The following DPP10 variants were observed in gnomAD, a reference collection of about 807,000 sequenced individuals.
DPP10 encodes the protein dipeptidyl peptidase like 10, also known as inactive dipeptidyl peptidase 10.
A neutral mutation model predicts 120.9 loss-of-function variants in DPP10; 33 were observed. The observed-to-expected ratio is 0.27, with a 90% confidence interval of 0.21 to 0.37. DPP10 has a LOEUF of 0.37. Ranked by LOEUF, DPP10 falls within the 10% of genes least tolerant of loss-of-function variation. The probability of loss-of-function intolerance (pLI) is 1.00; values close to 1 mark genes in which losing one functional copy is unlikely to be tolerated. For missense variants in DPP10, 816 were observed against 942.8 expected, an observed-to-expected ratio of 0.87 and a Z score of 1.76; for synonymous variants, 337 against 326.1, an observed-to-expected ratio of 1.03 and a Z score of -0.36.
rs1410626093 is a variant in DPP10 at position 115,725,359 on chromosome 2, G to A, written c.577-2457G>A. On this transcript the variant is annotated intron_variant, in intron 7 of 25. Transcript: ENST00000410059. ...AACTTTGATAATTGAAAAGGGATTAGGATGTTAAAAATGCACACTTTCATG... is the reference window on the plus strand; with the variant it reads ...AACTTTGATAATTGAAAAGGGATTAAGATGTTAAAAATGCACACTTTCATG... Among the ~76,000 whole-genome samples, 5 of 152,100 alleles carry A rather than the reference G, an allele frequency of 3.3e-5. No individual in the cohort carries two copies. In the East Asian group the frequency reaches 7.7e-4, roughly 23 times the overall value.
chr2:115,793,947 G>C (rs537925111), intron 19 of DPP10, among the ~76,000 whole-genome samples: 1 of 151,656 alleles, frequency 6.6e-6, no homozygotes. Context: ...AACATATAAG[G>C]GTCAGAATAG....
chr2:115,641,782 G>A lies in DPP10; in HGVS notation c.442-47905G>A, dbSNP rs1575418002. Among the ~76,000 whole-genome samples, 5 of 152,198 alleles carry A rather than the reference G, an allele frequency of 3.3e-5. No individual in the cohort carries two copies. In the South Asian group the frequency reaches 1.0e-3, roughly 32 times the overall value. On this transcript the variant is annotated intron_variant, in intron 5 of 25. Coordinates refer to ENST00000410059, the MANE Select transcript of DPP10 (RefSeq NM_020868.6). ...TTCAATTATATTTGACATTTGGTAGGCAGCCAGATTCAGTGAAATTATGGA... is the reference window on the plus strand; with the variant it reads ...TTCAATTATATTTGACATTTGGTAGACAGCCAGATTCAGTGAAATTATGGA...
chr2:115,674,385 GT>G (rs879458605), intron 5 of DPP10, among the ~76,000 whole-genome samples: 149 of 141,860 alleles, frequency 1.1e-3, no homozygotes, highest in South Asian at 1.6e-3. Flanking sequence ...ACTTCATGAT[GT>G]TTTTTTTTTT....
At chr2:115,684,728 C>T (rs1327273175) in intron 5 of DPP10, among the ~76,000 whole-genome samples, 1 of 151,850 alleles carries the variant, frequency 6.6e-6, no homozygotes, top group African/African-American at 2.4e-5. Context: ...GCTGAACTCT[C>T]CTTGACACGA....
At chr2:114,925,140 G>A (rs1695516456) in intron 1 of DPP10, among the ~76,000 whole-genome samples, 1 of 150,424 alleles carries the variant, frequency 6.6e-6, no homozygotes, top group Non-Finnish European at 1.5e-5. Context: ...CAACCTAGGA[G>A]GCAGAGGCTG....
intron 1 of DPP10, among the ~76,000 whole-genome samples, chr2:115,165,117 T>A (rs1052693991): frequency 6.6e-6 from 1 of 152,246 alleles, no homozygotes; most frequent in Non-Finnish European, 1.5e-5. Context: ...TGGCTAATTG[T>A]AATTTATTAT....
intron 1 of DPP10, among the ~76,000 whole-genome samples, chr2:114,973,768 C>T (rs988595142): frequency 6.6e-6 from 1 of 151,540 alleles, no homozygotes; most frequent in Non-Finnish European, 1.5e-5. Flanking sequence ...GCTCCATGCA[C>T]GTTACTGCTG....
At chr2:115,268,231 A>G (rs1046681685) in intron 1 of DPP10, among the ~76,000 whole-genome samples, 4 of 152,208 alleles carry the variant, frequency 2.6e-5, no homozygotes, top group African/African-American at 4.8e-5. Context: ...GAGTTCTTAG[A>G]ATAACCCACC....
chr2:114,453,020 A>G (rs998355098), intron 1 of DPP10, among the ~76,000 whole-genome samples: 7 of 152,120 alleles, frequency 4.6e-5, no homozygotes, highest in African/African-American at 1.7e-4. Context: ...TAATTGCTTG[A>G]TGATACACAG....
At chr2:115,329,135 G>A (rs1035721551) in intron 2 of DPP10, among the ~76,000 whole-genome samples, 3 of 151,998 alleles carry the variant, frequency 2.0e-5, no homozygotes, top group African/African-American at 4.8e-5. Flanking sequence ...GCAGAGTTTT[G>A]TGAGAAAACA....
chr2:115,534,744 C>G (rs1266633556), intron 5 of DPP10, among the ~76,000 whole-genome samples: 4 of 149,872 alleles, frequency 2.7e-5, no homozygotes, highest in Non-Finnish European at 5.9e-5. Context: ...AAAAGTGTTC[C>G]TATTTCTCCA....
chr2:115,234,880 A>T (rs1574105898), intron 1 of DPP10, among the ~76,000 whole-genome samples: 2 of 152,108 alleles, frequency 1.3e-5, no homozygotes, highest in Admixed American at 1.3e-4. Context: ...AAAGTTGATC[A>T]TTGGAGAGAA....
Position 115,422,782 on chromosome 2 carries a change from C to T in DPP10, c.272-76728C>T, listed in dbSNP as rs116931886. On this transcript the variant is annotated intron_variant, in intron 3 of 25. Transcript: ENST00000410059. ...AAAACTATATAAATTTGTCCATGTC[C>T]CCATGAGTTTCTCAGTGTTTTGAGG... 1.2e-3 allele frequency among the ~76,000 whole-genome samples: 184 copies of T among 152,088 alleles called. 5 individuals are homozygous for T. The East Asian group carries it at 0.023, about 19-fold the overall frequency.
chr2:114,678,746 T>C (rs997735812), intron 1 of DPP10, among the ~76,000 whole-genome samples: 3 of 152,046 alleles, frequency 2.0e-5, no homozygotes, highest in African/African-American at 7.2e-5. Context: ...AATTAATTGA[T>C]TGAATATTAC....
At chr2:115,244,630 G>C (rs2058447435) in intron 1 of DPP10, among the ~76,000 whole-genome samples, 1 of 151,798 alleles carries the variant, frequency 6.6e-6, no homozygotes, top group Non-Finnish European at 1.5e-5. Flanking sequence ...AGAAAATCTT[G>C]CTTAGTCGTG....
intron 4 of DPP10, among the ~76,000 whole-genome samples, chr2:115,501,774 T>A (rs1180500624): frequency 6.6e-6 from 1 of 152,066 alleles, no homozygotes; most frequent in Non-Finnish European, 1.5e-5. Flanking sequence ...TTAATCATTC[T>A]CTCCTAACTT....
chr2:115,634,602 G>A (rs1312839003), intron 5 of DPP10, among the ~76,000 whole-genome samples: 1 of 152,092 alleles, frequency 6.6e-6, no homozygotes, highest in East Asian at 1.9e-4. Flanking sequence ...TGGGATCTCT[G>A]TACCAGAGGG....
chr2:114,455,386 A>G (rs1285030882), intron 1 of DPP10, among the ~76,000 whole-genome samples: 1 of 152,084 alleles, frequency 6.6e-6, no homozygotes, highest in East Asian at 1.9e-4. Context: ...CTCTACTAAA[A>G]ATACAAAAAT....
intron 5 of DPP10, among the ~76,000 whole-genome samples, chr2:115,531,637 G>C (rs2078470961): frequency 6.6e-6 from 1 of 152,004 alleles, no homozygotes; most frequent in Admixed American, 6.6e-5. Flanking sequence ...GAAAATATGT[G>C]TTTAAATTCA....
Sources: allele counts gnomAD v4.1 joint callset (sites outside exome capture counted in the v4.1 genomes callset), GRCh38; gene constraint gnomAD v4.1.1; transcripts MANE v1.5; gene names NCBI Gene and HGNC (gene_info 2026-07-23, HGNC 2026-07-21).